Variants in CHD4 observed in about 807,000 individuals in gnomAD.
CHD4 encodes ATP-dependent chromatin remodeler CHD4.
A neutral mutation model predicts 235.5 loss-of-function variants in CHD4; 35 were observed. That is an observed-to-expected ratio of 0.15 (90% CI 0.11 to 0.20). The LOEUF is 0.20. Among genes scored for constraint, CHD4 ranks in the 10% least tolerant of loss-of-function variants. CHD4 has a pLI of 1.00. For missense variants in CHD4, 1,329 were observed against 2,432.3 expected (o/e 0.55, Z 9.54); for synonymous variants, 900 against 850.2 (o/e 1.06, Z -1.02).
intron 2 of CHD4, among the ~76,000 whole-genome samples, chr12:6,604,070 T>G (rs1428688635): frequency 6.6e-6 from 1 of 151,968 alleles, no homozygotes; most frequent in East Asian, 1.9e-4. Context: ...TTGAGGTCAG[T>G]TCGAAACCAG....
In CHD4 at chr12:6,595,986, C is replaced by A. The variant is rs761666793; in HGVS notation, c.2024+20G>T. ...AAAAAAAAAAAGAAACAACTCTATG[C>A]CTCACCCAAAATCACTCACCTGTGA... On this transcript the variant is annotated intron_variant, in intron 13 of 39. Transcript: ENST00000544040. 37 of 1,600,274 alleles carry A rather than the reference C, an allele frequency of 2.3e-5. No homozygotes were observed. The highest frequency in any genetic ancestry group is 3.0e-5 in the Non-Finnish European group (35 of 1,175,586).
In CHD4 at chr12:6,583,304, C is replaced by T; in HGVS notation, c.3954G>A (p.Leu1318=). ...SVDPDYWEKL[L]RHHYEQQQED... ...CTTGCTGCTGCTCATAATGGTGCCG[C>T]AGCAATTTCTCCCAGTAGTCAGGAT... The change falls in exon 26 of 40, where the codon CTG becomes CTA. Residue 1318 remains leucine, a synonymous_variant. Coordinates refer to ENST00000544040, the MANE Select transcript of CHD4 (RefSeq NM_001273.5). The T allele has an allele frequency of 6.2e-7, 1 of 1,613,842 alleles. No individual in the cohort carries two copies.
rs987646270 is a variant in CHD4 at position 6,593,756 on chromosome 12, T to C, written c.2314-140A>G. On this transcript the variant is annotated intron_variant, in intron 15 of 39. Coordinates refer to ENST00000544040, the MANE Select transcript of CHD4 (RefSeq NM_001273.5). The surrounding 1 kb of genome is among the most constrained non-coding windows in gnomAD (Gnocchi z 4.9). ...TGCTGCTCCTGCTCTCACCTTCCTC[T>C]ATACAAGTGCCCAGCCCACTCCTTT... 10 of 713,094 alleles carry C rather than the reference T, an allele frequency of 1.4e-5. No individual in the cohort carries two copies. Among genetic ancestry groups the C allele is most frequent in the African/African-American group, 8.9e-5 (5 of 56,160 alleles). The allele number at this position is 713,094 out of a possible 1,614,324, so 44.2% of individuals were successfully genotyped here.
At position 6,570,491 on chromosome 12, in the gene CHD4, T is replaced by A; in HGVS notation, c.*185A>T. 1 of 681,204 alleles carries A rather than the reference T, an allele frequency of 1.5e-6. No individual in the cohort carries two copies. The allele number at this position is 681,204 out of a possible 1,614,324, so 42.2% of individuals were successfully genotyped here. On this transcript the variant is annotated 3_prime_UTR_variant, in exon 40 of 40. Coordinates refer to ENST00000544040, the MANE Select transcript of CHD4 (RefSeq NM_001273.5). ...CAGCGCTACTGCTGCATGTCTCTTC[T>A]GCAGGAAGGGCACCACTGCCCCTCA...
intron 25 of CHD4, among the ~76,000 whole-genome samples, chr12:6,585,150 T>C (rs1948260003): frequency 6.6e-6 from 1 of 152,148 alleles, no homozygotes; most frequent in African/African-American, 2.4e-5. Flanking sequence ...GGAAATTTTA[T>C]TTTTCCATTT....
chr12:6,580,714 A>AAAAAAAACAAAC (rs1423722383), intron 33 of CHD4: 2,347 of 229,222 alleles, frequency 0.01, 44 homozygotes, highest in South Asian at 0.02. Flanking sequence ...GAAAAAAAAA[A>AAAAAAAACAAAC]AAAAAAAAAA....
In CHD4 at chr12:6,573,278, G is replaced by C. The variant is rs1168183983; in HGVS notation, c.5362-9C>G. 1.3e-6 allele frequency: 2 copies of C among 1,536,282 alleles called. No homozygotes were observed. Among genetic ancestry groups the C allele is most frequent in the Non-Finnish European group, 1.7e-6 (2 of 1,148,512 alleles). ...AGAGCTTGTTCTAAGAGCTGGACAA[G>C]GGATAAGAGGAAACGGGAGTTCGAC... On this transcript the variant is annotated splice_polypyrimidine_tract_variant and intron_variant, in intron 37 of 39. Transcript: ENST00000544040.
At position 6,598,050 on chromosome 12, in the gene CHD4, T is replaced by C; in HGVS notation, c.1736A>G (p.Asp579Gly). 1 of 1,614,242 alleles carries C rather than the reference T, an allele frequency of 6.2e-7. No individual in the cohort carries two copies. Among genetic ancestry groups the C allele is most frequent in the Non-Finnish European group, 8.5e-7 (1 of 1,180,044 alleles). ...VMFRNYQRKNDMDEPPSGDFG... is the reference protein window; with the variant it reads ...VMFRNYQRKNGMDEPPSGDFG... ...GTCCCCAGAAGGTGGCTCATCCATA[T>C]CATTCTTCCGCTGATAGTTTCGGAA... The change falls in exon 12 of 40, where the codon GAT becomes GGT. Residue 579 changes from aspartate to glycine, a missense_variant. By Grantham distance (94) the Asp-to-Gly change is moderately conservative. Transcript: ENST00000544040.
rs777754553 is a variant in CHD4, at chr12:6,600,619, G to C, written c.978C>G (p.Ile326Met). 6.2e-7 allele frequency: 1 copy of C among 1,613,900 alleles called. No individual in the cohort carries two copies. Among genetic ancestry groups the C allele is most frequent in the African/African-American group, 1.3e-5 (1 of 74,882 alleles). The change falls in exon 8 of 40, where the codon ATC (isoleucine) becomes ATG (methionine). Residue 326 changes from isoleucine (I) to methionine (M), a missense_variant. Physicochemically the swap from Ile to Met is conservative, Grantham distance 10. Coordinates refer to ENST00000544040, the MANE Select transcript of CHD4 (RefSeq NM_001273.5). ...DVESDFDDAS[I>M]NSYSVSDGST... The stretch of plus-strand genomic sequence containing the variant: ...AACCATCAGAAACAGAATAGCTATT[G>C]ATACTGGCATCATCGAAGTCAGATT...
At position 6,606,403 on chromosome 12, in the gene CHD4, C is replaced by A. The variant is rs778179799; in HGVS notation, c.-30G>T. ...TTCCGCTCCCGGCCAGGGAATTGGC[C>A]CAGCTGCTCCTGCCGGCGGCCTGAG... On this transcript the variant is annotated 5_prime_UTR_variant, in exon 2 of 40. Coordinates refer to ENST00000544040, the MANE Select transcript of CHD4 (RefSeq NM_001273.5). 6.6e-7 allele frequency: 1 copy of A among 1,509,012 alleles called. No individual in the cohort carries two copies. The highest frequency in any genetic ancestry group is 1.2e-5 in the South Asian group (1 of 84,896). 93.5% of individuals were successfully genotyped at this position (1,509,012 alleles called of 1,614,324 possible).
intron 14 of CHD4, among the ~76,000 whole-genome samples, chr12:6,595,088 C>A (rs959421098): frequency 1.3e-5 from 2 of 152,090 alleles, no homozygotes; most frequent in Non-Finnish European, 2.9e-5. Flanking sequence ...CCCCTCCCCC[C>A]AGACAACACT....
rs376175590 is a variant in CHD4 at position 6,581,140 on chromosome 12, C to T, written c.4813G>A (p.Glu1605Lys). ...TCAGGGGGTTCAACAACGACCTTTTCATCCTCTGAGGCAGGGGCAGGGGCC... is the reference window on the plus strand; with the variant it reads ...TCAGGGGGTTCAACAACGACCTTTTTATCCTCTGAGGCAGGGGCAGGGGCC... ...TQAPAPASED[E>K]KVVVEPPEGE... Residue 1605 changes from glutamate to lysine, a missense_variant, in exon 33 of 40, where the codon GAA becomes AAA. Around this residue, in one of 26 missense-constraint regions of CHD4, gnomAD observed 219 missense variants for 219.3 expected, o/e 1.00. Coordinates refer to ENST00000544040, the MANE Select transcript of CHD4 (RefSeq NM_001273.5). 4 of 1,613,998 alleles carry T rather than the reference C, an allele frequency of 2.5e-6. No homozygotes were observed. In the African/African-American group the frequency reaches 5.3e-5, roughly 22 times the overall value.
intron 33 of CHD4, chr12:6,580,704 GAAAAA>G (rs57266458): frequency 1.4e-4 from 6 of 43,450 alleles, no homozygotes; most frequent in South Asian, 7.1e-4. Context: ...AAACTCCTTT[GAAAAA>G]AAAAAAAAAA....
At chr12:6,584,316 A>G (rs1427724669) in intron 25 of CHD4, 2 of 152,204 alleles carry the variant, frequency 1.3e-5, no homozygotes, top group African/African-American at 4.8e-5. Context: ...ATATAAAAGG[A>G]ACTGAAAACA....
At position 6,593,219 on chromosome 12, in the gene CHD4, A is replaced by G. The variant is rs1465105953; in HGVS notation, c.2524T>C (p.Ser842Pro). The change falls in exon 17 of 40, where the codon TCT (serine) becomes CCT (proline). Residue 842 changes from serine to proline, a missense_variant. Transcript: ENST00000544040. This position sits in a 1 kb window ranked among gnomAD's most constrained non-coding sequence, Gnocchi z 4.9. ...GTCAGCAGCACATGGAATTTCACAGATGCCTCTTTCTGCACATGAAGGCAA... is the reference window on the plus strand; with the variant it reads ...GTCAGCAGCACATGGAATTTCACAGGTGCCTCTTTCTGCACATGAAGGCAA... ...KKASRMKKEASVKFHVLLTSY... is the reference protein window; with the variant it reads ...KKASRMKKEAPVKFHVLLTSY... The G allele has an allele frequency of 1.9e-6, 3 of 1,613,970 alleles. No individual in the cohort carries two copies. Among genetic ancestry groups the G allele is most frequent in the Non-Finnish European group, 2.5e-6 (3 of 1,180,044 alleles).
In CHD4 at chr12:6,583,037, TTCA is replaced by T; in HGVS notation, c.4134_4136del (p.Asp1378del). 6.4e-7 allele frequency: 1 copy of T among 1,572,282 alleles called. No individual in the cohort carries two copies. The highest frequency in any genetic ancestry group is 8.6e-7 in the Non-Finnish European group (1 of 1,161,034). ...AAGCACAGCCCTCACCTTCTGAACGTTCATCAAAGTCTTCATCACCTTCCTCTG... is the reference window on the plus strand; with the variant it reads ...AAGCACAGCCCTCACCTTCTGAACGTTCAAAGTCTTCATCACCTTCCTCTG... On this transcript the variant is annotated inframe_deletion, in exon 27 of 40. Coordinates refer to ENST00000544040, the MANE Select transcript of CHD4 (RefSeq NM_001273.5).
rs766474868 is a variant in CHD4 at position 6,598,115 on chromosome 12, G to A, written c.1687-16C>T. ...GCAGCTCCAGCTTTGAGCGGAAAGA[G>A]AAAATCAGCCACCAAGAAGCTGTGT... On this transcript the variant is annotated splice_polypyrimidine_tract_variant and intron_variant, in intron 11 of 39. Transcript: ENST00000544040. 1.9e-6 allele frequency: 3 copies of A among 1,613,942 alleles called. No homozygotes were observed. The highest frequency in any genetic ancestry group is 1.7e-6 in the Non-Finnish European group (2 of 1,179,900).
intron 25 of CHD4, chr12:6,586,702 GTTGTT>G (rs1231235736): frequency 3.3e-5 from 5 of 150,788 alleles, no homozygotes; most frequent in Admixed American, 6.6e-5. Context: ...CTCTTTTTTT[GTTGTT>G]TTTTTTTTTC....
chr12:6,580,330 G>C (rs1294934126), intron 33 of CHD4: 1 of 152,224 alleles, frequency 6.6e-6, no homozygotes, highest in African/African-American at 2.4e-5. Context: ...GGATTCTTCA[G>C]TGTGTCGCTT....
Sources: allele counts gnomAD v4.1 joint callset (sites outside exome capture counted in the v4.1 genomes callset), GRCh38; gene constraint gnomAD v4.1.1; regional missense constraint gnomAD v4.1.1; non-coding constraint Gnocchi (gnomAD v3.1); transcripts MANE v1.5; gene names NCBI Gene and HGNC (gene_info 2026-07-23, HGNC 2026-07-21).